Variants in PCDH15 observed in about 807,000 individuals in gnomAD.
PCDH15 encodes the protein protocadherin related 15.
Under a neutral mutation model 178.5 loss-of-function variants are expected in PCDH15, and 129 were observed. The ratio of observed to expected loss-of-function variants is 0.72; its 90% CI spans 0.63 to 0.84. The LOEUF is 0.84. Ranked by LOEUF, PCDH15 falls within the 40% of genes least tolerant of loss-of-function variation. The pLI is 0.00. For synonymous variants in PCDH15, 800 were observed against 732.0 expected, an observed-to-expected ratio of 1.09 and a Z score of -1.50; for missense variants, 2,230 against 2,099.9, an observed-to-expected ratio of 1.06 and a Z score of -1.21.
At chr10:55,144,430 G>A (rs1387888313) in intron 2 of PCDH15, among the ~76,000 whole-genome samples, 1 of 152,206 alleles carries the variant, frequency 6.6e-6, no homozygotes, top group South Asian at 2.1e-4. Flanking sequence ...CTCACTGTTA[G>A]GAAGCCTAAT....
chr10:54,837,002 G>A (rs1279271489), intron 3 of PCDH15, among the ~76,000 whole-genome samples: 3 of 151,886 alleles, frequency 2.0e-5, no homozygotes, highest in Non-Finnish European at 2.9e-5. Flanking sequence ...AGAACAAAAC[G>A]AAGAATATTT....
rs1838075846 is a variant in PCDH15, at chr10:55,401,714, A to G, written c.-156+225911T>C. Reference sequence around the variant, plus strand: ...AGATAATGCTGATTAGGGGAAGGGAAGAAGACCAGAAGTGAGATTAGAATT... The same window carrying G: ...AGATAATGCTGATTAGGGGAAGGGAGGAAGACCAGAAGTGAGATTAGAATT... On this transcript the variant is annotated intron_variant, in intron 2 of 5. Transcript: ENST00000613346. Among the ~76,000 whole-genome samples the G allele has an allele frequency of 2.0e-5, 3 of 151,762 alleles. No individual in the cohort carries two copies. The South Asian group carries it at 6.2e-4, about 32-fold the overall frequency.
At chr10:54,602,119 C>T (rs757398070) in intron 2 of PCDH15, among the ~76,000 whole-genome samples, 5 of 151,866 alleles carry the variant, frequency 3.3e-5, no homozygotes, top group Non-Finnish European at 5.9e-5. Context: ...TGCACATATA[C>T]CCCTAAACCT....
intron 10 of PCDH15, among the ~76,000 whole-genome samples, chr10:54,203,487 A>C (rs2050461160): frequency 6.6e-6 from 1 of 152,194 alleles, no homozygotes; most frequent in Non-Finnish European, 1.5e-5. Context: ...AAAAAAGCAG[A>C]GAGAAGGTAA....
chr10:55,076,351 T>G (rs189624918), intron 2 of PCDH15, among the ~76,000 whole-genome samples: 1 of 152,108 alleles, frequency 6.6e-6, no homozygotes, highest in Non-Finnish European at 1.5e-5. Context: ...TTAGTTCTAG[T>G]AATATATAGT....
chr10:55,460,063 G>C, intron 2 of PCDH15, among the ~76,000 whole-genome samples: 1 of 151,896 alleles, frequency 6.6e-6, no homozygotes, highest in Admixed American at 6.6e-5. Context: ...AGTGATTGTG[G>C]AATGTGAAGA....
chr10:54,407,782 G>A (rs566233304), intron 3 of PCDH15, among the ~76,000 whole-genome samples: 15 of 152,214 alleles, frequency 9.9e-5, no homozygotes, highest in African/African-American at 2.6e-4. Flanking sequence ...ATGGCTGGGC[G>A]TGGTGGCTCC....
At chr10:55,453,677 T>G (rs1416424400) in intron 2 of PCDH15, among the ~76,000 whole-genome samples, 1 of 152,144 alleles carries the variant, frequency 6.6e-6, no homozygotes, top group African/African-American at 2.4e-5. Flanking sequence ...ATGATAATGC[T>G]GGATACTGAC....
At chr10:54,907,275 T>G (rs1420646069) in intron 2 of PCDH15, among the ~76,000 whole-genome samples, 2 of 152,216 alleles carry the variant, frequency 1.3e-5, no homozygotes, top group African/African-American at 4.8e-5. Flanking sequence ...ACAGACTAAC[T>G]GAAAAATATC....
At chr10:55,534,577 T>C (rs1196991007) in intron 2 of PCDH15, among the ~76,000 whole-genome samples, 1 of 152,094 alleles carries the variant, frequency 6.6e-6, no homozygotes, top group Non-Finnish European at 1.5e-5. Flanking sequence ...AAACAGATCC[T>C]GGCAATGTTG....
intron 26 of PCDH15, among the ~76,000 whole-genome samples, chr10:53,873,038 A>C (rs2079985580): frequency 6.6e-6 from 1 of 152,106 alleles, no homozygotes; most frequent in Non-Finnish European, 1.5e-5. Flanking sequence ...TCCTCTACAG[A>C]CTATAAAACA....
intron 26 of PCDH15, among the ~76,000 whole-genome samples, chr10:53,871,755 GTTTT>G (rs2079877939): frequency 2.0e-5 from 3 of 150,736 alleles, no homozygotes; most frequent in South Asian, 4.2e-4. Context: ...GTTTTGTTTT[GTTTT>G]GTTTTGTTTT....
intron 9 of PCDH15, among the ~76,000 whole-genome samples, chr10:54,219,103 A>AAC (rs1397496221): frequency 5.6e-5 from 8 of 143,138 alleles, no homozygotes; most frequent in African/African-American, 1.6e-4. Context: ...AAAAAAAAAA[A>AAC]AAAACAAAAA....
intron 3 of PCDH15, 82 bp from the exon 4 acceptor site, chr10:54,379,024 T>A: frequency 7.7e-7 from 1 of 1,299,564 alleles, no homozygotes; most frequent in Non-Finnish European, 1.1e-6. Context: ...AAACCGCGGC[T>A]GGCTCACAAT....
At chr10:55,008,115 C>T (rs1016561689) in intron 2 of PCDH15, among the ~76,000 whole-genome samples, 2 of 152,016 alleles carry the variant, frequency 1.3e-5, no homozygotes, top group African/African-American at 4.8e-5. Context: ...TATGTCTGCT[C>T]GTTTTAAATA....
chr10:55,209,567 G>A (rs1177784322), intron 1 of PCDH15, among the ~76,000 whole-genome samples: 1 of 151,986 alleles, frequency 6.6e-6, no homozygotes, highest in Non-Finnish European at 1.5e-5. Context: ...TCATAACTTA[G>A]TATTGGTTTG....
At position 54,760,054 on chromosome 10, in the gene PCDH15, A is replaced by C. The variant is rs1189937281; in HGVS notation, c.-29+40871T>G. 2.0e-5 allele frequency among the ~76,000 whole-genome samples: 3 copies of C among 152,330 alleles called. No homozygotes were observed. The East Asian group carries it at 5.8e-4, about 29-fold the overall frequency. On this transcript the variant is annotated intron_variant, in intron 1 of 37. Transcript: ENST00000644397. ...ACAGATACTTGGCTCATAGGGCATA[A>C]CTTACATTTACTAAGAAAATGCTCA...
intron 1 of PCDH15, among the ~76,000 whole-genome samples, chr10:54,719,392 G>A (rs68006937): frequency 0.12 from 18,485 of 151,966 alleles, 1,229 homozygotes; most frequent in African/African-American, 0.17. Flanking sequence ...CCTACAAACT[G>A]TAAGTATTCC....
chr10:53,860,104 A>G, intron 27 of PCDH15, among the ~76,000 whole-genome samples: 1 of 152,170 alleles, frequency 6.6e-6, no homozygotes, highest in Non-Finnish European at 1.5e-5. Context: ...TGGATCACTA[A>G]AACATCAGAA....
Sources: gnomAD v4.1 joint callset for allele counts (sites outside exome capture counted in the v4.1 genomes callset) on GRCh38, gnomAD v4.1.1 for gene constraint, MANE v1.5 for transcripts, NCBI Gene and HGNC (gene_info 2026-07-23, HGNC 2026-07-21) for gene names.